The following XPO6 variants were observed in gnomAD, a reference collection of about 807,000 sequenced individuals.
XPO6 encodes the protein exportin 6, also known as exportin-6.
A neutral mutation model predicts 130.0 loss-of-function variants in XPO6; 3 were observed. The ratio of observed to expected loss-of-function variants is 0.02; its 90% confidence interval spans 0.01 to 0.06. XPO6 has a LOEUF of 0.06. Ranked by LOEUF, XPO6 falls within the 10% of genes least tolerant of loss-of-function variation. The pLI is 1.00. For synonymous variants in XPO6, 524 were observed against 548.9 expected (o/e 0.95, Z 0.63); for missense variants, 970 against 1,393.0 (o/e 0.70, Z 4.83).
intron 12 of XPO6, among the ~76,000 whole-genome samples, chr16:28,128,864 T>G (rs1463514153): frequency 6.6e-6 from 1 of 152,222 alleles, no homozygotes; most frequent in Non-Finnish European, 1.5e-5. Flanking sequence ...AGCCAAAGCC[T>G]GCTGACAGCA....
At chr16:28,170,816 G>A (rs1238229054) in intron 4 of XPO6, among the ~76,000 whole-genome samples, 1 of 152,090 alleles carries the variant, frequency 6.6e-6, no homozygotes, top group African/African-American at 2.4e-5. Flanking sequence ...CCATAAGAAA[G>A]TTTAACTAAA....
chr16:28,179,052 T>G, intron 2 of XPO6: 1 of 133,674 alleles, frequency 7.5e-6, no homozygotes, highest in Admixed American at 7.9e-5. Context: ...GGCGACAGAG[T>G]GAGGCACCAT....
chr16:28,117,896 A>C (rs753061372), intron 14 of XPO6, among the ~76,000 whole-genome samples: 3 of 152,248 alleles, frequency 2.0e-5, no homozygotes, highest in Non-Finnish European at 4.4e-5. Flanking sequence ...TTTGGAGTTT[A>C]AGCTTCCACT....
chr16:28,145,480 T>A (rs1489133969), intron 9 of XPO6, among the ~76,000 whole-genome samples: 5 of 152,312 alleles, frequency 3.3e-5, no homozygotes, highest in African/African-American at 1.2e-4. Flanking sequence ...GCATTCTCTG[T>A]TTTTTAAAAA....
At chr16:28,200,456 G>A (rs1266900707) in intron 1 of XPO6, among the ~76,000 whole-genome samples, 2 of 151,908 alleles carry the variant, frequency 1.3e-5, no homozygotes, top group Non-Finnish European at 2.9e-5. Flanking sequence ...AGCTACCACT[G>A]TGCCCTCAAG....
At chr16:28,190,802 C>G (rs1450348531) in intron 1 of XPO6, among the ~76,000 whole-genome samples, 1 of 151,990 alleles carries the variant, frequency 6.6e-6, no homozygotes, top group Non-Finnish European at 1.5e-5. Flanking sequence ...ACAAAGGCAA[C>G]TTACTCTAAA....
rs116447778 is a variant in XPO6 at position 28,177,043 on chromosome 16, G to A, written c.207+177C>T. On this transcript the variant is annotated intron_variant, in intron 3 of 23. Coordinates refer to ENST00000304658, the MANE Select transcript of XPO6 (RefSeq NM_015171.4). ...CAACCATCCATCTTACCTTTCTAGTGTGGAAGATGGAAGATGCCCCAAACA... is the reference window on the plus strand; with the variant it reads ...CAACCATCCATCTTACCTTTCTAGTATGGAAGATGGAAGATGCCCCAAACA... Among the ~76,000 whole-genome samples the A allele has an allele frequency of 9.8e-3, 1,494 of 152,216 alleles. 31 individuals are homozygous for A. Among genetic ancestry groups the A allele is most frequent in the African/African-American group, 0.034 (1,425 of 41,508 alleles).
rs57933908 is a variant in XPO6, at chr16:28,101,134, A to G, written c.3276+324T>C. On this transcript the variant is annotated intron_variant, in intron 23 of 23. Coordinates refer to ENST00000304658, the MANE Select transcript of XPO6 (RefSeq NM_015171.4). This position sits in a 1 kb window ranked among gnomAD's most constrained non-coding sequence, Gnocchi z 5.4. ...TCCAATGCTGGCCCCACCGGGGCTC[A>G]TCACCCAGGAGGGAGAACGGCAGGG... The G allele has an allele frequency of 0.05, 20,956 of 419,132 alleles. 1,649 individuals carry two copies. Among genetic ancestry groups the G allele is most frequent in the East Asian group, 0.18 (3,347 of 18,694 alleles). 26.0% of individuals were successfully genotyped at this position (419,132 alleles called of 1,614,324 possible). A position where few individuals can be genotyped will look rare whatever the true frequency, so the allele number is the denominator to read the frequency against.
chr16:28,201,336 G>A (rs563328572), intron 1 of XPO6, among the ~76,000 whole-genome samples: 6 of 152,116 alleles, frequency 3.9e-5, no homozygotes, highest in African/African-American at 1.2e-4. Flanking sequence ...GACCTGCTTG[G>A]GTTTATTTTT....
chr16:28,148,632 G>A (rs549817645), intron 8 of XPO6, among the ~76,000 whole-genome samples: 1 of 152,284 alleles, frequency 6.6e-6, no homozygotes, highest in Non-Finnish European at 1.5e-5. Flanking sequence ...CTTGGAAAGT[G>A]AACAAATATT....
chr16:28,197,179 G>C (rs1432285780), intron 1 of XPO6, among the ~76,000 whole-genome samples: 1 of 152,054 alleles, frequency 6.6e-6, no homozygotes, highest in Admixed American at 6.5e-5. Context: ...TTAAATCCGG[G>C]AGACAGAGGT....
intron 13 of XPO6, among the ~76,000 whole-genome samples, chr16:28,122,093 A>C (rs762146561): frequency 1.4e-4 from 21 of 152,130 alleles, no homozygotes; most frequent in Non-Finnish European, 2.6e-4. Context: ...AGGATGTTTT[A>C]AACATGACAT....
At chr16:28,110,087 A>G (rs1172720333) in intron 17 of XPO6, among the ~76,000 whole-genome samples, 1 of 152,214 alleles carries the variant, frequency 6.6e-6, no homozygotes, top group Non-Finnish European at 1.5e-5. Context: ...AAGAAAAATG[A>G]AACTTTCCAA....
intron 18 of XPO6, among the ~76,000 whole-genome samples, chr16:28,107,150 T>A (rs1015838429): frequency 1.3e-5 from 2 of 152,214 alleles, no homozygotes; most frequent in Non-Finnish European, 2.9e-5. Flanking sequence ...AATGCTGTCA[T>A]GAGAGCTAGG....
chr16:28,141,385 T>A (rs954412232), intron 9 of XPO6, among the ~76,000 whole-genome samples: 1 of 152,130 alleles, frequency 6.6e-6, no homozygotes, highest in South Asian at 2.1e-4. Flanking sequence ...GAGCCGGAAG[T>A]GAGAGAGAAA....
chr16:28,175,417 G>T (rs1450398674), intron 4 of XPO6, among the ~76,000 whole-genome samples: 1 of 152,022 alleles, frequency 6.6e-6, no homozygotes, highest in Non-Finnish European at 1.5e-5. Context: ...TCCTGGCCTG[G>T]CCTCTGCCCA....
At chr16:28,202,780 T>C (rs967752616) in intron 1 of XPO6, among the ~76,000 whole-genome samples, 1 of 152,162 alleles carries the variant, frequency 6.6e-6, no homozygotes, top group Non-Finnish European at 1.5e-5. Context: ...GGGTCATAGC[T>C]GAAGCCATGG....
intron 7 of XPO6, 140 bp downstream of exon 7, chr16:28,155,934 G>T: frequency 7.0e-7 from 1 of 1,425,740 alleles, no homozygotes; most frequent in East Asian, 2.5e-5. Context: ...AGACTTACTG[G>T]CACACACCTA....
Position 28,156,064 on chromosome 16 carries a change from G to T in XPO6, c.1097+10C>A. ...TTGGGGCACACCAGCTCCACACTTG[G>T]TTTCATTACCTCTCATCGAGCTCTT... On this transcript the variant is annotated intron_variant, in intron 7 of 23. Coordinates refer to ENST00000304658, the MANE Select transcript of XPO6 (RefSeq NM_015171.4). 6.3e-7 allele frequency: 1 copy of T among 1,583,244 alleles called. No homozygotes were observed. Among genetic ancestry groups the T allele is most frequent in the African/African-American group, 1.3e-5 (1 of 74,536 alleles).
Sources: allele counts gnomAD v4.1 joint callset (sites outside exome capture counted in the v4.1 genomes callset), GRCh38; gene constraint gnomAD v4.1.1; non-coding constraint Gnocchi (gnomAD v3.1); transcripts MANE v1.5; gene names NCBI Gene and HGNC (gene_info 2026-07-23, HGNC 2026-07-21).